Variants in TRMU observed in about 807,000 individuals in gnomAD.
TRMU encodes the protein mitochondrial tRNA-specific 2-thiouridylase 1.
In TRMU, 49 loss-of-function variants were observed where a neutral mutation model predicts 46.9. The observed-to-expected ratio is 1.05, with a 90% confidence interval of 0.83 to 1.33. The LOEUF (loss-of-function observed/expected upper bound fraction) is 1.33, where lower values mean the gene tolerates loss of function less well. Ranked by LOEUF, TRMU falls within the 40% of genes most tolerant of loss-of-function variation. The probability of loss-of-function intolerance (pLI) is 0.00; values close to 1 mark genes in which losing one functional copy is unlikely to be tolerated. For synonymous variants in TRMU, 241 were observed against 200.9 expected, an observed-to-expected ratio of 1.20 and a Z score of -1.69; for missense variants, 572 against 532.4, an observed-to-expected ratio of 1.07 and a Z score of -0.73.
rs1338172462 is a variant in TRMU at position 46,356,838 on chromosome 22, A to G, written c.1102-4A>G. ...CCCCTGATGCCAGGGTCTCTCCCCT[A>G]CAGTTTGCTGTGTTCTACAAGGGGG... On this transcript the variant is annotated splice_region_variant and splice_polypyrimidine_tract_variant and intron_variant, in intron 10 of 10. Transcript: ENST00000645190. The G allele has an allele frequency of 3.1e-6, 5 of 1,613,016 alleles. No homozygotes were observed. The highest frequency in any genetic ancestry group is 1.1e-5 in the South Asian group (1 of 91,064).
At chr22:46,341,484 T>C (rs1179252570) in intron 2 of TRMU, among the ~76,000 whole-genome samples, 2 of 152,198 alleles carry the variant, frequency 1.3e-5, no homozygotes, top group Non-Finnish European at 2.9e-5. Context: ...GTTTGGTGCC[T>C]GCTAAAGTGG....
chr22:46,335,958 C>T, intron 1 of TRMU, 112 bp downstream of exon 1: 1 of 1,483,690 alleles, frequency 6.7e-7, no homozygotes, highest in Non-Finnish European at 8.9e-7. Flanking sequence ...GCTGGTTGCG[C>T]GCGGGTCGGC....
chr22:46,344,155 G>A (rs2078193606), intron 3 of TRMU, among the ~76,000 whole-genome samples: 1 of 152,212 alleles, frequency 6.6e-6, no homozygotes, highest in Non-Finnish European at 1.5e-5. Context: ...GACAAGATTG[G>A]AAAGACCTAG....
In TRMU at chr22:46,357,240, C is replaced by G. The variant is rs2078642022; in HGVS notation, c.*234C>G. 1.6e-6 allele frequency: 1 copy of G among 607,504 alleles called. No homozygotes were observed. The highest frequency in any genetic ancestry group is 2.9e-6 in the Non-Finnish European group (1 of 345,964). The allele number at this position is 607,504 out of a possible 1,614,324, so 37.6% of individuals were successfully genotyped here. A position where few individuals can be genotyped will look rare whatever the true frequency, so the allele number is the denominator to read the frequency against. ...GGCTGGTGGGGTGGCCCGAGTTCCCCTTCACCGCCCCCAGGGAGGGTTTCC... is the reference window on the plus strand; with the variant it reads ...GGCTGGTGGGGTGGCCCGAGTTCCCGTTCACCGCCCCCAGGGAGGGTTTCC... On this transcript the variant is annotated 3_prime_UTR_variant, in exon 11 of 11. Transcript: ENST00000645190.
chr22:46,337,992 C>A (rs2078024872), intron 2 of TRMU, 48 bp downstream of exon 2: 2 of 1,611,934 alleles, frequency 1.2e-6, no homozygotes, highest in Non-Finnish European at 1.7e-6. Context: ...ACTGTGGATC[C>A]TTGCAGTGGA....
At position 46,335,747 on chromosome 22, in the gene TRMU, A is replaced by C. The variant is rs1376197500; in HGVS notation, c.-18A>C. 1.3e-6 allele frequency: 2 copies of C among 1,546,622 alleles called. No homozygotes were observed. Among genetic ancestry groups the C allele is most frequent in the East Asian group, 4.9e-5 (2 of 41,074 alleles). On this transcript the variant is annotated 5_prime_UTR_variant, in exon 1 of 11. Transcript: ENST00000645190. ...GAAGCGGCGGTAGCTGCAGCTGGCG[A>C]AGTTGGGCGACTGGCGGATGCAGGC...
chr22:46,356,178 C>T (rs968113527), intron 10 of TRMU, 106 bp downstream of exon 10: 18 of 1,304,390 alleles, frequency 1.4e-5, no homozygotes, highest in Non-Finnish European at 1.6e-5. Flanking sequence ...GTAGGGTGTG[C>T]TCGGGTCACA....
At position 46,337,858 on chromosome 22, in the gene TRMU, T is replaced by C; in HGVS notation, c.162T>C (p.Cys54=). ...GGGTCTGTACTGCCGACAAAGACTGTGAAGATGCTTACAGAGTTTGCCAGA... is the reference window on the plus strand; with the variant it reads ...GGGTCTGTACTGCCGACAAAGACTGCGAAGATGCTTACAGAGTTTGCCAGA... ...EHGVCTADKD[C]EDAYRVCQIL... is the part of the protein sequence containing the mutation. The change falls in exon 2 of 11, where the codon TGT becomes TGC. Residue 54 remains cysteine (C), a synonymous_variant. Coordinates refer to ENST00000645190, the MANE Select transcript of TRMU (RefSeq NM_018006.5). 1.9e-6 allele frequency: 3 copies of C among 1,614,228 alleles called. No homozygotes were observed. The highest frequency in any genetic ancestry group is 1.7e-5 in the Admixed American group (1 of 60,030).
intron 4 of TRMU, among the ~76,000 whole-genome samples, chr22:46,346,878 T>TGTCA (rs1327252088): frequency 6.6e-6 from 1 of 152,258 alleles, no homozygotes; most frequent in Non-Finnish European, 1.5e-5. Context: ...ATTGGGGTGC[T>TGTCA]GTCAGTCTAG....
At chr22:46,340,356 C>T (rs1028839771) in intron 2 of TRMU, among the ~76,000 whole-genome samples, 2 of 152,152 alleles carry the variant, frequency 1.3e-5, no homozygotes, top group South Asian at 4.1e-4. Flanking sequence ...CTCATGAGTA[C>T]TGTAGAGTTT....
Position 46,338,358 on chromosome 22 carries a change from CA to C in TRMU, c.248+417del, listed in dbSNP as rs1398237734. 1 of 257,170 alleles carries C rather than the reference CA, an allele frequency of 3.9e-6. No individual in the cohort carries two copies. The highest frequency in any genetic ancestry group is 7.8e-6 in the Non-Finnish European group (1 of 128,626). The allele number at this position is 257,170 out of a possible 1,614,324, so 15.9% of individuals were successfully genotyped here. A position where few individuals can be genotyped will look rare whatever the true frequency, so the allele number is the denominator to read the frequency against. ...GGCCTGTGCCTCTGAAAACAAGAAA[CA>C]AACAAAAACTTTTCTAAAATCCAAT... is the stretch of plus-strand genomic sequence containing the variant. On this transcript the variant is annotated intron_variant, in intron 2 of 10. Transcript: ENST00000645190. The surrounding 1 kb of genome is among the most constrained non-coding windows in gnomAD (Gnocchi z 4.5).
chr22:46,339,181 G>T lies in TRMU; in HGVS notation c.248+1237G>T, dbSNP rs558256930. ...CTATTTTTTTTTGAGACAGAGCCTC[G>T]CTCTGTTGCCCAGGCTGGAGTGCAG... On this transcript the variant is annotated intron_variant, in intron 2 of 10. Transcript: ENST00000645190. The surrounding 1 kb of genome is among the most constrained non-coding windows in gnomAD (Gnocchi z 4.8). 7.2e-5 allele frequency among the ~76,000 whole-genome samples: 11 copies of T among 151,886 alleles called. No individual in the cohort carries two copies. The highest frequency in any genetic ancestry group is 1.5e-4 in the Non-Finnish European group (10 of 67,978).
intron 2 of TRMU, among the ~76,000 whole-genome samples, chr22:46,341,359 ACTTT>A (rs201223409): frequency 0.018 from 2,726 of 152,322 alleles, 90 homozygotes; most frequent in African/African-American, 0.063. Context: ...CTTCCTGGTA[ACTTT>A]CTAATAATTA....
Position 46,350,509 on chromosome 22 carries a change from C to T in TRMU, c.651+46C>T, listed in dbSNP as rs777975232. ...TTGATTAGTGCCTGTTTCCCTTTCC[C>T]GACTGCATGGCACGGAGCAGCTGGA... On this transcript the variant is annotated intron_variant, in intron 5 of 10. Transcript: ENST00000645190. This position sits in a 1 kb window ranked among gnomAD's most constrained non-coding sequence, Gnocchi z 4.6. 6.8e-6 allele frequency: 11 copies of T among 1,609,226 alleles called. No homozygotes were observed. The highest frequency in any genetic ancestry group is 1.7e-4 in the Middle Eastern group (1 of 5,968).
rs139361488 is a variant in TRMU, at chr22:46,353,379, G to C, written c.773-388G>C. ...AGCAGCTGGGGGTAGCCCTGATGCA[G>C]TTACTGCATTAGATGGACACTGTGA... On this transcript the variant is annotated intron_variant, in intron 7 of 10. Coordinates refer to ENST00000645190, the MANE Select transcript of TRMU (RefSeq NM_018006.5). 2.0e-3 allele frequency: 619 copies of C among 302,478 alleles called. 1 individual carries two copies. The highest frequency in any genetic ancestry group is 3.5e-3 in the Non-Finnish European group (531 of 151,944). 18.7% of individuals were successfully genotyped at this position (302,478 alleles called of 1,614,324 possible).
At position 46,349,816 on chromosome 22, in the gene TRMU, C is replaced by T. The variant is rs1198025729; in HGVS notation, c.479-475C>T. The stretch of plus-strand genomic sequence containing the variant: ...GGCGCTGCTGGAGGCATGTGCTGGC[C>T]GCCGGGCAGTGAACCTGGAAAGTGT... On this transcript the variant is annotated intron_variant, in intron 4 of 10. Transcript: ENST00000645190. This position sits in a 1 kb window ranked among gnomAD's most constrained non-coding sequence, Gnocchi z 4.6. 3.9e-5 allele frequency among the ~76,000 whole-genome samples: 6 copies of T among 152,162 alleles called. No individual in the cohort carries two copies.
chr22:46,337,725 G>A (rs1442833674), intron 1 of TRMU, 54 bp from the exon 2 acceptor site: 8 of 1,608,726 alleles, frequency 5.0e-6, no homozygotes, highest in Admixed American at 1.7e-5. Flanking sequence ...AATCACTGCC[G>A]TTTTACCGAA....
In TRMU at chr22:46,338,279, C is replaced by T. The variant is rs1201439975; in HGVS notation, c.248+335C>T. 1 of 367,544 alleles carries T rather than the reference C, an allele frequency of 2.7e-6. No individual in the cohort carries two copies. The allele number at this position is 367,544 out of a possible 1,614,324, so 22.8% of individuals were successfully genotyped here. A position where few individuals can be genotyped will look rare whatever the true frequency, so the allele number is the denominator to read the frequency against. Reference sequence around the variant, plus strand: ...TCCCCTGGAAGGTGAGCACCAATGCCTGTGTGCTATGTGGGTCAGCGATTA... The same window carrying T: ...TCCCCTGGAAGGTGAGCACCAATGCTTGTGTGCTATGTGGGTCAGCGATTA... On this transcript the variant is annotated intron_variant, in intron 2 of 10. Transcript: ENST00000645190. This position sits in a 1 kb window ranked among gnomAD's most constrained non-coding sequence, Gnocchi z 4.5.
At chr22:46,352,361 G>A (rs1206148261) in intron 7 of TRMU, 31 bp downstream of exon 7, 2 of 1,611,662 alleles carry the variant, frequency 1.2e-6, no homozygotes, top group Admixed American at 3.3e-5. Context: ...CTTGTCATCT[G>A]AAATGCCTAG....
Sources: allele counts gnomAD v4.1 joint callset (sites outside exome capture counted in the v4.1 genomes callset), GRCh38; gene constraint gnomAD v4.1.1; non-coding constraint Gnocchi (gnomAD v3.1); transcripts MANE v1.5; gene names NCBI Gene and HGNC (gene_info 2026-07-23, HGNC 2026-07-21).